EYS: variants seen among roughly 807,000 people sequenced by gnomAD.
EYS encodes the protein protein eyes shut homolog.
In EYS, 250 loss-of-function variants were observed where a neutral mutation model predicts 282.1. That is an observed-to-expected ratio of 0.89 (90% CI 0.80 to 0.98). The LOEUF is 0.98. Ranked by LOEUF, EYS falls within the 50% of genes least tolerant of loss-of-function variation. The pLI is 0.00. For synonymous variants in EYS, 1,355 were observed against 1,282.9 expected (o/e 1.06, Z -1.20); for missense variants, 4,016 against 3,709.0 (o/e 1.08, Z -2.15).
intron 31 of EYS, among the ~76,000 whole-genome samples, chr6:64,202,187 C>T (rs1765475806): frequency 6.6e-6 from 1 of 152,176 alleles, no homozygotes; most frequent in African/African-American, 2.4e-5. Flanking sequence ...GGGTCTGCTC[C>T]ATGTGCTTTC....
At chr6:63,919,245 G>T (rs1159871879) in intron 35 of EYS, among the ~76,000 whole-genome samples, 2 of 150,876 alleles carry the variant, frequency 1.3e-5, no homozygotes, top group East Asian at 2.0e-4. Context: ...GGCAACAGAA[G>T]TGGAGAGAAG....
At chr6:63,840,572 T>C (rs966896308) in intron 36 of EYS, among the ~76,000 whole-genome samples, 1 of 152,186 alleles carries the variant, frequency 6.6e-6, no homozygotes, top group Non-Finnish European at 1.5e-5. Flanking sequence ...TTTGCTTTTG[T>C]TGTCTGTGAT....
At chr6:65,646,585 C>T (rs1389417046) in intron 1 of EYS, among the ~76,000 whole-genome samples, 1 of 152,122 alleles carries the variant, frequency 6.6e-6, no homozygotes, top group African/African-American at 2.4e-5. Flanking sequence ...TGGGAAGAAG[C>T]TGAATGCATT....
At chr6:65,397,247 C>A (rs1357786534) in intron 7 of EYS, among the ~76,000 whole-genome samples, 1 of 151,434 alleles carries the variant, frequency 6.6e-6, no homozygotes, top group South Asian at 2.1e-4. Context: ...TGTTTGTTTG[C>A]TTGTTTTTTG....
At chr6:64,277,245 G>T (rs1208355927) in intron 30 of EYS, among the ~76,000 whole-genome samples, 3 of 152,098 alleles carry the variant, frequency 2.0e-5, no homozygotes, top group Admixed American at 6.5e-5. Flanking sequence ...AAACACAGTT[G>T]CAATTTCCAC....
At chr6:64,249,063 C>CAAAAAAAAAAAAAAAAAAAAAAAAAAAAA (rs34663169) in intron 30 of EYS, among the ~76,000 whole-genome samples, 3 of 70,056 alleles carry the variant, frequency 4.3e-5, no homozygotes, top group African/African-American at 1.4e-4. Flanking sequence ...CACCCTGTCT[C>CAAAAAAAAAAAAAAAAAAAAAAAAAAAAA]AAAAAAAAAA....
chr6:64,303,840 C>CAA lies in EYS; in HGVS notation c.6191+3128_6191+3129dup, dbSNP rs149728709. On this transcript the variant is annotated intron_variant, in intron 30 of 42. Transcript: ENST00000503581. ...TGGGCGACAGAGCGAAACTCCGTCT[C>CAA]AAAAAAAAAAAAAAAAAAAAAGCCT... is the stretch of plus-strand genomic sequence containing the variant. Among the ~76,000 whole-genome samples the CAA allele has an allele frequency of 1.1e-3, 89 of 78,200 alleles. 1 individual carries two copies. The highest frequency in any genetic ancestry group is 3.7e-3 in the African/African-American group (71 of 19,424). 51.3% of individuals were successfully genotyped at this position (78,200 alleles called of 152,430 possible). A position where few individuals can be genotyped will look rare whatever the true frequency, so the allele number is the denominator to read the frequency against.
Position 64,902,404 on chromosome 6 carries a change from C to T in EYS, c.2738G>A (p.Arg913Lys). 1.3e-6 allele frequency: 2 copies of T among 1,535,632 alleles called. No homozygotes were observed. The highest frequency in any genetic ancestry group is 1.8e-6 in the Non-Finnish European group (2 of 1,140,376). ...GDCEDMVNNF[R>K]CICRPGFSGS... is the part of the protein sequence containing the mutation. ...TAGATACTTTTTAAGTTTTCTGTAC[C>T]TGAAATTGTTGACCATATCTTCACA... The change falls in exon 17 of 43, where the codon AGG becomes AAG. Residue 913 changes from arginine (R) to lysine (K), a missense_variant and splice_region_variant. Transcript: ENST00000503581.
At chr6:63,995,659 A>G (rs1178588958) in intron 34 of EYS, among the ~76,000 whole-genome samples, 1 of 152,080 alleles carries the variant, frequency 6.6e-6, no homozygotes, top group Non-Finnish European at 1.5e-5. Context: ...TTCAAAAGAT[A>G]GAAACAACAT....
intron 15 of EYS, 58 bp downstream of exon 15, chr6:64,945,735 C>T (rs1769264190): frequency 1.3e-6 from 2 of 1,487,766 alleles, no homozygotes; most frequent in Non-Finnish European, 1.8e-6. Context: ...GGATGTATCC[C>T]AAGGACACTG....
At chr6:64,863,887 C>T (rs1766329703) in intron 19 of EYS, among the ~76,000 whole-genome samples, 1 of 152,078 alleles carries the variant, frequency 6.6e-6, no homozygotes, top group South Asian at 2.1e-4. Context: ...TTTCTAATAC[C>T]TTCCCTGTAA....
At chr6:64,912,437 T>G in intron 16 of EYS, 47 bp downstream of exon 16, 3 of 1,509,352 alleles carry the variant, frequency 2.0e-6, no homozygotes, top group South Asian at 2.4e-5. Context: ...ATACACAAAC[T>G]AATTAAGTAA....
intron 26 of EYS, among the ~76,000 whole-genome samples, chr6:64,460,775 A>G (rs1314730057): frequency 1.3e-5 from 2 of 152,346 alleles, no homozygotes; most frequent in East Asian, 3.9e-4. Flanking sequence ...AGGTGTTGAC[A>G]GTGATTTTTC....
chr6:64,088,729 G>T (rs997881582), intron 31 of EYS, among the ~76,000 whole-genome samples: 1 of 151,836 alleles, frequency 6.6e-6, no homozygotes, highest in African/African-American at 2.4e-5. Context: ...GAGTACAACA[G>T]AATATTATAA....
chr6:64,607,078 G>A (rs914066362), intron 24 of EYS, among the ~76,000 whole-genome samples: 6 of 151,812 alleles, frequency 4.0e-5, no homozygotes, highest in African/African-American at 1.5e-4. Context: ...CAAAAGAGAA[G>A]TATAAAACCC....
intron 12 of EYS, among the ~76,000 whole-genome samples, chr6:65,172,383 G>T (rs914798213): frequency 6.6e-6 from 1 of 151,142 alleles, no homozygotes; most frequent in Non-Finnish European, 1.5e-5. Flanking sequence ...TTTGACAAAG[G>T]GGCATACATA....
At chr6:64,891,205 G>A (rs1340165711) in intron 18 of EYS, among the ~76,000 whole-genome samples, 1 of 151,000 alleles carries the variant, frequency 6.6e-6, no homozygotes, top group South Asian at 2.1e-4. Flanking sequence ...CAGCCCTGGT[G>A]AAACAGTTTA....
chr6:64,431,845 C>A (rs954168472), intron 28 of EYS, among the ~76,000 whole-genome samples: 1 of 152,088 alleles, frequency 6.6e-6, no homozygotes, highest in African/African-American at 2.4e-5. Flanking sequence ...TATCATCTAA[C>A]AAATTAATAT....
At chr6:64,082,404 A>G (rs1772004008) in intron 31 of EYS, among the ~76,000 whole-genome samples, 1 of 152,138 alleles carries the variant, frequency 6.6e-6, no homozygotes, top group Non-Finnish European at 1.5e-5. Flanking sequence ...GTAGGTATAT[A>G]TATTTATGGG....
Sources: allele counts gnomAD v4.1 joint callset (sites outside exome capture counted in the v4.1 genomes callset), GRCh38; gene constraint gnomAD v4.1.1; transcripts MANE v1.5; gene names NCBI Gene and HGNC (gene_info 2026-07-23, HGNC 2026-07-21).